TYMS: variants seen among roughly 807,000 people sequenced by gnomAD.
TYMS encodes thymidylate synthetase, also known as thymidylate synthase.
Under a neutral mutation model 39.3 loss-of-function variants are expected in TYMS, and 21 were observed. The ratio of observed to expected loss-of-function variants is 0.54; its 90% confidence interval spans 0.38 to 0.77. The LOEUF is 0.77. TYMS is among the 30% of genes least tolerant of loss of function. TYMS has a pLI of 0.00. For missense variants in TYMS, 273 were observed against 406.7 expected, an observed-to-expected ratio of 0.67 and a Z score of 2.83; for synonymous variants, 171 against 162.2, an observed-to-expected ratio of 1.05 and a Z score of -0.41.
intron 3 of TYMS, among the ~76,000 whole-genome samples, chr18:666,277 GGACAAAATGCC>G (rs1318601198): frequency 9.9e-5 from 15 of 151,618 alleles, no homozygotes; most frequent in Non-Finnish European, 2.1e-4. Context: ...GTGGGACAAG[GGACAAAATGCC>G]CCCATTGCTT....
At chr18:671,620 T>C in intron 6 of TYMS, 169 bp downstream of exon 6, 1 of 640,404 alleles carries the variant, frequency 1.6e-6, no homozygotes, top group Non-Finnish European at 2.8e-6. Context: ...AAGGCAGGCA[T>C]CTGCCTCAGC....
In TYMS at chr18:668,981, G is replaced by GT. The variant is rs2074921540; in HGVS notation, c.455-90dup. 8 of 1,074,688 alleles carry GT rather than the reference G, an allele frequency of 7.4e-6. No individual in the cohort carries two copies. The East Asian group carries it at 2.0e-4, about 27-fold the overall frequency. The allele number at this position is 1,074,688 out of a possible 1,614,324, so 66.6% of individuals were successfully genotyped here. On this transcript the variant is annotated intron_variant, in intron 3 of 6. Transcript: ENST00000323274. ...GCCATGGGTCAAGGGGGGACCCTGG[G>GT]TAAGAGACTGTAATAGATGACCTCT...
intron 3 of TYMS, 139 bp from the exon 4 acceptor site, chr18:668,933 C>T (rs964724579): frequency 3.3e-6 from 2 of 608,312 alleles, no homozygotes; most frequent in Admixed American, 5.8e-5. Context: ...GCAAACTTTG[C>T]AGGATGCACC....
At position 660,680 on chromosome 18, in the gene TYMS, G is replaced by A. The variant is rs574867514; in HGVS notation, c.279+966G>A. 1.6e-4 allele frequency among the ~76,000 whole-genome samples: 25 copies of A among 152,158 alleles called. No homozygotes were observed. The highest frequency in any genetic ancestry group is 4.1e-4 in the African/African-American group (17 of 41,562). Reference sequence around the variant, plus strand: ...GAGGGCTGAGTAGGTACCTCAGGCCGGGGCCAGAGTGCTGTGAAGACAGGC... The same window carrying A: ...GAGGGCTGAGTAGGTACCTCAGGCCAGGGCCAGAGTGCTGTGAAGACAGGC... On this transcript the variant is annotated intron_variant, in intron 2 of 6. Transcript: ENST00000323274. This position sits in a 1 kb window ranked among gnomAD's most constrained non-coding sequence, Gnocchi z 4.6.
At chr18:669,476 G>C in intron 4 of TYMS, 1 of 223,024 alleles carries the variant, frequency 4.5e-6, no homozygotes, top group Non-Finnish European at 9.0e-6. Context: ...GGGTTCGAGT[G>C]ATTCTCCTGC....
At chr18:671,690 G>A (rs2075057986) in intron 6 of TYMS, 1 of 523,448 alleles carries the variant, frequency 1.9e-6, no homozygotes, top group Non-Finnish European at 3.3e-6. Context: ...ACCAGAGAGG[G>A]AAGAGCCACA....
In TYMS at chr18:660,305, C is replaced by G. The variant is rs2074744122; in HGVS notation, c.279+591C>G. Among the ~76,000 whole-genome samples, 1 of 152,192 alleles carries G rather than the reference C, an allele frequency of 6.6e-6. No individual in the cohort carries two copies. Among genetic ancestry groups the G allele is most frequent in the Admixed American group, 6.5e-5 (1 of 15,288 alleles). ...ACACTTGGCTTCTTCCTTTGAGTCT[C>G]TACTCCACTCGGGCAAGCCTTCCTA... On this transcript the variant is annotated intron_variant, in intron 2 of 6. Transcript: ENST00000323274. The surrounding 1 kb of genome is among the most constrained non-coding windows in gnomAD (Gnocchi z 4.6).
rs370303959 is a variant in TYMS, at chr18:659,620, G to A, written c.206-21G>A. The A allele has an allele frequency of 1.9e-3, 3,059 of 1,608,886 alleles. 6 individuals carry two copies. The highest frequency in any genetic ancestry group is 2.5e-3 in the Non-Finnish European group (2,904 of 1,175,350). On this transcript the variant is annotated intron_variant, in intron 1 of 6. Coordinates refer to ENST00000323274, the MANE Select transcript of TYMS (RefSeq NM_001071.4). The stretch of plus-strand genomic sequence containing the variant: ...TGATCTGTCTTCCCATCTTGAAACC[G>A]TATGGCAAATTGTTTTTCAGATGAA...
rs1400075082 is a variant in TYMS, at chr18:666,902, GAGA to G, written c.455-2169_455-2167del. Among the ~76,000 whole-genome samples the G allele has an allele frequency of 7.6e-4, 43 of 56,428 alleles. 8 individuals carry two copies. Among genetic ancestry groups the G allele is most frequent in the South Asian group, 1.5e-3 (2 of 1,300 alleles). The allele number at this position is 56,428 out of a possible 152,430, so 37.0% of individuals were successfully genotyped here. A position where few individuals can be genotyped will look rare whatever the true frequency, so the allele number is the denominator to read the frequency against. On this transcript the variant is annotated intron_variant, in intron 3 of 6. Coordinates refer to ENST00000323274, the MANE Select transcript of TYMS (RefSeq NM_001071.4). Reference sequence around the variant, plus strand: ...CGAAAAAGTTCGGGAGATGGTGATGGAGATGGTGATGGTGATGGAGATGGTGAT... The same window carrying G: ...CGAAAAAGTTCGGGAGATGGTGATGGTGGTGATGGTGATGGAGATGGTGAT...
At chr18:668,976 C>T in intron 3 of TYMS, 96 bp from the exon 4 acceptor site, 1 of 1,015,044 alleles carries the variant, frequency 9.9e-7, no homozygotes, top group Non-Finnish European at 1.5e-6. Context: ...AAGGGGGGAC[C>T]CTGGGTAAGA....
chr18:670,878 T>A lies in TYMS; in HGVS notation c.732+11T>A. ...ATCACGGGCCTGAAGGTGGGCTGTC[T>A]CGGGAAGGGTGACTTGCCAGCCTAC... is the stretch of plus-strand genomic sequence containing the variant. On this transcript the variant is annotated intron_variant, in intron 5 of 6. Coordinates refer to ENST00000323274, the MANE Select transcript of TYMS (RefSeq NM_001071.4). The A allele has an allele frequency of 6.2e-7, 1 of 1,613,490 alleles. No homozygotes were observed. Among genetic ancestry groups the A allele is most frequent in the Non-Finnish European group, 8.5e-7 (1 of 1,179,608 alleles).
chr18:669,098 C>G lies in TYMS; in HGVS notation c.481C>G (p.Leu161Val). Reference protein sequence around the residue: ...SDYSGQGVDQLQRVIDTIKTN... With the variant: ...SDYSGQGVDQVQRVIDTIKTN... ...TTATTCAGGACAGGGAGTTGACCAA[C>G]TGCAAAGAGTGATTGACACCATCAA... The change falls in exon 4 of 7, where the codon CTG becomes GTG. Residue 161 changes from leucine (L) to valine (V), a missense_variant. Around this residue, in one of 3 missense-constraint regions of TYMS, gnomAD observed 228 missense variants for 326.1 expected, o/e 0.70. Coordinates refer to ENST00000323274, the MANE Select transcript of TYMS (RefSeq NM_001071.4). 6.2e-7 allele frequency: 1 copy of G among 1,614,198 alleles called. No individual in the cohort carries two copies. Among genetic ancestry groups the G allele is most frequent in the Non-Finnish European group, 8.5e-7 (1 of 1,180,018 alleles).
chr18:671,478 G>C, intron 6 of TYMS, 27 bp downstream of exon 6: 1 of 1,453,672 alleles, frequency 6.9e-7, no homozygotes, highest in Non-Finnish European at 9.7e-7. Flanking sequence ...ATACTTTTGG[G>C]TTTGGTACCT....
At chr18:662,039 C>CT (rs2074761342) in intron 2 of TYMS, 107 bp from the exon 3 acceptor site, 1 of 1,249,214 alleles carries the variant, frequency 8.0e-7, no homozygotes, top group Admixed American at 2.5e-5. Context: ...CACCTCCTAG[C>CT]AAGTCAGCAG....
chr18:672,624 C>A, intron 6 of TYMS: 1 of 349,758 alleles, frequency 2.9e-6, no homozygotes, highest in Admixed American at 4.2e-5. Flanking sequence ...GATGAGGCAC[C>A]AGGCTCCTGA....
chr18:657,760 G>T lies in TYMS; in HGVS notation c.18G>T (p.Ser6=). The change falls in exon 1 of 7, where the codon TCG becomes TCT. Residue 6 remains serine, a synonymous_variant. Transcript: ENST00000323274. Reference sequence around the variant, plus strand: ...GCCGCGCCATGCCTGTGGCCGGCTCGGAGCTGCCGCGCCGGCCCTTGCCCC... The same window carrying T: ...GCCGCGCCATGCCTGTGGCCGGCTCTGAGCTGCCGCGCCGGCCCTTGCCCC... MPVAG[S]ELPRRPLPPA... 7.0e-7 allele frequency: 1 copy of T among 1,421,572 alleles called. No homozygotes were observed. Among genetic ancestry groups the T allele is most frequent in the South Asian group, 1.5e-5 (1 of 66,120 alleles). The allele number at this position is 1,421,572 out of a possible 1,614,324, so 88.1% of individuals were successfully genotyped here.
At position 658,060 on chromosome 18, in the gene TYMS, C is replaced by T. The variant is rs761703220; in HGVS notation, c.205+113C>T. On this transcript the variant is annotated intron_variant, in intron 1 of 6. Coordinates refer to ENST00000323274, the MANE Select transcript of TYMS (RefSeq NM_001071.4). The surrounding 1 kb of genome is among the most constrained non-coding windows in gnomAD (Gnocchi z 4.5). ...ACCCCGTTTAGTCCTAACCTCAATC[C>T]TGCGAGGGAGGGGACGCATCGTCCT... 1.3e-6 allele frequency: 2 copies of T among 1,572,244 alleles called. No individual in the cohort carries two copies. The highest frequency in any genetic ancestry group is 1.4e-5 in the African/African-American group (1 of 73,838).
chr18:670,883 A>G lies in TYMS; in HGVS notation c.732+16A>G. The G allele has an allele frequency of 6.2e-7, 1 of 1,613,242 alleles. No homozygotes were observed. Among genetic ancestry groups the G allele is most frequent in the Non-Finnish European group, 8.5e-7 (1 of 1,179,472 alleles). On this transcript the variant is annotated intron_variant, in intron 5 of 6. Transcript: ENST00000323274. ...GGGCCTGAAGGTGGGCTGTCTCGGG[A>G]AGGGTGACTTGCCAGCCTACCACAC...
At chr18:672,603 A>AACTT (rs1290166848) in intron 6 of TYMS, 109 of 309,808 alleles carry the variant, frequency 3.5e-4, no homozygotes, top group Non-Finnish European at 3.0e-5. Flanking sequence ...TGGTTATAAG[A>AACTT]ACTTACACCT....
Sources: gnomAD v4.1 joint callset for allele counts (sites outside exome capture counted in the v4.1 genomes callset) on GRCh38, gnomAD v4.1.1 for gene constraint, gnomAD v4.1.1 regional missense constraint, Gnocchi (gnomAD v3.1) non-coding constraint, MANE v1.5 for transcripts, NCBI Gene and HGNC (gene_info 2026-07-23, HGNC 2026-07-21) for gene names.